Variants in WDR77 observed in about 807,000 individuals in gnomAD.
The protein encoded by WDR77 is methylosome protein WDR77.
In WDR77, 31 loss-of-function variants were observed where a neutral mutation model predicts 44.0. The observed-to-expected ratio is 0.70, with a 90% CI of 0.53 to 0.95. The LOEUF (loss-of-function observed/expected upper bound fraction) is 0.95. Ranked by LOEUF, WDR77 falls within the 40% of genes least tolerant of loss-of-function variation. The probability of loss-of-function intolerance (pLI) is 0.00; values close to 1 mark genes in which losing one functional copy is unlikely to be tolerated. For synonymous variants in WDR77, 186 were observed against 165.7 expected, an observed-to-expected ratio of 1.12 and a Z score of -0.94; for missense variants, 390 against 423.9, an observed-to-expected ratio of 0.92 and a Z score of 0.70.
chr1:111,445,657 A>C (rs1317160627), intron 4 of WDR77, among the ~76,000 whole-genome samples: 2 of 152,248 alleles, frequency 1.3e-5, no homozygotes, highest in African/African-American at 4.8e-5. Flanking sequence ...CACAAACACA[A>C]AGAACTAACA....
At chr1:111,447,232 A>G in intron 3 of WDR77, 88 bp from the exon 4 acceptor site, 1 of 1,547,810 alleles carries the variant, frequency 6.5e-7, no homozygotes, top group Non-Finnish European at 8.9e-7. Flanking sequence ...TGTAATCAAC[A>G]TTCCCCAAGT....
chr1:111,448,689 G>T lies in WDR77; in HGVS notation c.231C>A (p.Val77=). The part of the protein sequence containing the change: ...APNEGFCSAG[V]QTEAGVADLT... ...GGTCAGCCACTCCAGCCTCCGTTTG[G>T]ACTCCGGCGGAGCAGAAGCCTTCGT... The change falls in exon 2 of 10, where the codon GTC becomes GTA. Residue 77 remains valine (V), a synonymous_variant. Coordinates refer to ENST00000235090, the MANE Select transcript of WDR77 (RefSeq NM_024102.4). 6.2e-7 allele frequency: 1 copy of T among 1,614,214 alleles called. No homozygotes were observed. Among genetic ancestry groups the T allele is most frequent in the Non-Finnish European group, 8.5e-7 (1 of 1,180,034 alleles).
Position 111,449,096 on chromosome 1 carries a change from G to T in WDR77, c.74C>A (p.Ala25Asp), listed in dbSNP as rs1653193033. 3 of 1,605,248 alleles carry T rather than the reference G, an allele frequency of 1.9e-6. No individual in the cohort carries two copies. Among genetic ancestry groups the T allele is most frequent in the East Asian group, 2.2e-5 (1 of 44,656 alleles). ...AGCCTCCAACTGCCGTTCCATGCAG[G>T]CGGGCGCATTTGGGGGAAGATTCCA... ...REWNLPPNAP[A>D]CMERQLEAAR... is the part of the protein sequence containing the mutation. The change falls in exon 1 of 10, where the codon GCC becomes GAC. Residue 25 changes from alanine (A) to aspartate (D), a missense_variant. Transcript: ENST00000235090.
chr1:111,441,427 AAGAAAAGCAGACCTGG>A (rs1571363823), intron 9 of WDR77, 38 bp from the exon 10 acceptor site: 2 of 1,445,238 alleles, frequency 1.4e-6, no homozygotes, highest in Middle Eastern at 1.9e-4. Context: ...GAGTAGAGAC[AAGAAAAGCAGACCTGG>A]AGAAAAAAAG....
chr1:111,448,547 C>G, intron 2 of WDR77, 72 bp downstream of exon 2: 1 of 1,590,266 alleles, frequency 6.3e-7, no homozygotes, highest in African/African-American at 1.3e-5. Context: ...TGAGCTCAAC[C>G]CTACGGTACC....
chr1:111,442,128 G>A, intron 8 of WDR77, 35 bp from the exon 9 acceptor site: 1 of 1,601,736 alleles, frequency 6.2e-7, no homozygotes, highest in Non-Finnish European at 8.6e-7. Flanking sequence ...GAAAGGTCCA[G>A]CCTGGATCCC....
chr1:111,442,957 CA>C lies in WDR77; in HGVS notation c.692-197del, dbSNP rs748325070. 5.9e-5 allele frequency among the ~76,000 whole-genome samples: 9 copies of C among 152,324 alleles called. No homozygotes were observed. The South Asian group carries it at 6.2e-4, about 11-fold the overall frequency. On this transcript the variant is annotated intron_variant, in intron 7 of 9. Coordinates refer to ENST00000235090, the MANE Select transcript of WDR77 (RefSeq NM_024102.4). ...AACGAAGCAGTTATTATTTTAACCA[CA>C]AACTATGTCACCATATACACAGCCT...
intron 9 of WDR77, 76 bp from the exon 10 acceptor site, chr1:111,441,465 C>T: frequency 1.4e-6 from 2 of 1,404,194 alleles, no homozygotes; most frequent in South Asian, 3.5e-5. Context: ...GAACCCAACA[C>T]ATCTGGGGCA....
At position 111,447,015 on chromosome 1, in the gene WDR77, G is replaced by A. The variant is rs113403711; in HGVS notation, c.493+80C>T. The A allele has an allele frequency of 4.4e-5, 63 of 1,430,668 alleles. No individual in the cohort carries two copies. In the African/African-American group the frequency reaches 6.8e-4, roughly 15 times the overall value. The allele number at this position is 1,430,668 out of a possible 1,614,324, so 88.6% of individuals were successfully genotyped here. On this transcript the variant is annotated intron_variant, in intron 4 of 9. Transcript: ENST00000235090. Reference sequence around the variant, plus strand: ...AAAACTATCAGAACATGGAATTGCTGCTCCTAACATCAAAGCAAAGTTCAA... The same window carrying A: ...AAAACTATCAGAACATGGAATTGCTACTCCTAACATCAAAGCAAAGTTCAA...
intron 4 of WDR77, among the ~76,000 whole-genome samples, chr1:111,444,611 C>G (rs1439389578): frequency 6.6e-6 from 1 of 152,138 alleles, no homozygotes; most frequent in Non-Finnish European, 1.5e-5. Flanking sequence ...GAACACATAC[C>G]TGTCATTCAT....
chr1:111,443,363 C>A lies in WDR77; in HGVS notation c.651G>T (p.Ser217=), dbSNP rs781383033. The part of the protein sequence containing the change: ...GCSAPGYLPT[S]LAWHPQQSEV... ...CACTTTGCTGAGGATGCCAAGCCAG[C>A]GAGGTAGGAAGGTAGCCAGGCGCAC... The change falls in exon 7 of 10, where the codon TCG becomes TCT. Residue 217 remains serine, a synonymous_variant. Transcript: ENST00000235090. The A allele has an allele frequency of 9.7e-6, 15 of 1,552,116 alleles. No homozygotes were observed. In the South Asian group the frequency reaches 1.3e-4, roughly 14 times the overall value.
chr1:111,448,868 C>G, intron 1 of WDR77, 64 bp from the exon 2 acceptor site: 1 of 1,548,690 alleles, frequency 6.5e-7, no homozygotes, highest in Non-Finnish European at 8.7e-7. Flanking sequence ...GGAGACCGCA[C>G]AGAACAGCGT....
At position 111,447,583 on chromosome 1, in the gene WDR77, G is replaced by T. The variant is rs376220662; in HGVS notation, c.302-7C>A. Reference sequence around the variant, plus strand: ...TCCCACAATTCAACAGCACCTGTTGGGGGTAGGGTAAGGAAAACATGAGCT... The same window carrying T: ...TCCCACAATTCAACAGCACCTGTTGTGGGTAGGGTAAGGAAAACATGAGCT... On this transcript the variant is annotated splice_region_variant and splice_polypyrimidine_tract_variant and intron_variant, in intron 2 of 9. Transcript: ENST00000235090. 1 of 1,613,988 alleles carries T rather than the reference G, an allele frequency of 6.2e-7. No homozygotes were observed. Among genetic ancestry groups the T allele is most frequent in the African/African-American group, 1.3e-5 (1 of 74,906 alleles).
intron 9 of WDR77, among the ~76,000 whole-genome samples, 166 bp downstream of exon 9, chr1:111,441,859 G>A (rs1371152921): frequency 6.6e-6 from 1 of 152,136 alleles, no homozygotes; most frequent in Non-Finnish European, 1.5e-5. Flanking sequence ...TGTGCCCCAG[G>A]AATGGACAGG....
chr1:111,448,573 AC>A (rs749426130), intron 2 of WDR77, 45 bp downstream of exon 2: 66 of 1,608,118 alleles, frequency 4.1e-5, no homozygotes, highest in Non-Finnish European at 5.1e-5. Context: ...TCTCCATTCT[AC>A]CGTTCCACCC....
intron 4 of WDR77, among the ~76,000 whole-genome samples, chr1:111,445,321 T>C (rs750693593): frequency 3.3e-5 from 5 of 152,216 alleles, no homozygotes; most frequent in Non-Finnish European, 7.3e-5. Context: ...CCAGTTTCCA[T>C]AGTTCTTTCC....
Position 111,442,067 on chromosome 1 carries a change from T to C in WDR77, c.827A>G (p.Glu276Gly). 6.2e-7 allele frequency: 1 copy of C among 1,614,096 alleles called. No individual in the cohort carries two copies. Reference sequence around the variant, plus strand: ...GTCCAGCACAGCAAGTGAGCAGTCTTCACTGAGAGAGGCCAGGAAGGGAAC... The same window carrying C: ...GTCCAGCACAGCAAGTGAGCAGTCTCCACTGAGAGAGGCCAGGAAGGGAAC... Reference protein sequence around the residue: ...HSVPFLASLSEDCSLAVLDSS... With the variant: ...HSVPFLASLSGDCSLAVLDSS... Residue 276 changes from glutamate (E) to glycine (G), a missense_variant, in exon 9 of 10, where the codon GAA becomes GGA. By Grantham distance (98) the Glu-to-Gly change is moderately conservative. Transcript: ENST00000235090.
In WDR77 at chr1:111,442,050, C is replaced by T. The variant is rs1171177910; in HGVS notation, c.844G>A (p.Val282Met). 1 of 1,614,136 alleles carries T rather than the reference C, an allele frequency of 6.2e-7. No homozygotes were observed. Among genetic ancestry groups the T allele is most frequent in the Non-Finnish European group, 8.5e-7 (1 of 1,179,992 alleles). Residue 282 changes from valine (V) to methionine (M), a missense_variant, in exon 9 of 10, where the codon GTG becomes ATG. By Grantham distance (21) the Val-to-Met change is conservative (BLOSUM62 1). Coordinates refer to ENST00000235090, the MANE Select transcript of WDR77 (RefSeq NM_024102.4). ...AACTCAGAAAGGCTTGAGTCCAGCACAGCAAGTGAGCAGTCTTCACTGAGA... is the reference window on the plus strand; with the variant it reads ...AACTCAGAAAGGCTTGAGTCCAGCATAGCAAGTGAGCAGTCTTCACTGAGA... Reference protein sequence around the residue: ...ASLSEDCSLAVLDSSLSELFR... With the variant: ...ASLSEDCSLAMLDSSLSELFR...
Position 111,441,400 on chromosome 1 carries a change from G to GA in WDR77, c.870-12dup. 3 of 1,484,702 alleles carry GA rather than the reference G, an allele frequency of 2.0e-6. No individual in the cohort carries two copies. Among genetic ancestry groups the GA allele is most frequent in the Non-Finnish European group, 1.8e-6 (2 of 1,111,482 alleles). 92.0% of individuals were successfully genotyped at this position (1,484,702 alleles called of 1,614,324 possible). A position where few individuals can be genotyped will look rare whatever the true frequency, so the allele number is the denominator to read the frequency against. ...GCTTGGCTTCTAAACCTAGAAGAAA[G>GA]AAAAAAAGTCGGGGCAGAGTAGAGA... On this transcript the variant is annotated splice_polypyrimidine_tract_variant and intron_variant, in intron 9 of 9. Transcript: ENST00000235090.
Sources: allele counts gnomAD v4.1 joint callset (sites outside exome capture counted in the v4.1 genomes callset), GRCh38; gene constraint gnomAD v4.1.1; transcripts MANE v1.5; gene names NCBI Gene and HGNC (gene_info 2026-07-23, HGNC 2026-07-21).